The following SNCAIP variants were observed in gnomAD, a reference collection of about 807,000 sequenced individuals.
SNCAIP encodes the protein synphilin-1.
Under a neutral mutation model 86.7 loss-of-function variants are expected in SNCAIP, and 43 were observed. The ratio of observed to expected loss-of-function variants is 0.50; its 90% CI spans 0.39 to 0.64. The LOEUF is 0.64. SNCAIP is among the 30% of genes least tolerant of loss of function. The pLI is 0.00. For synonymous variants in SNCAIP, 417 were observed against 427.2 expected (o/e 0.98, Z 0.29); for missense variants, 981 against 1,103.1 (o/e 0.89, Z 1.57).
In SNCAIP at chr5:122,451,238, T is replaced by C. The variant is rs1283131127; in HGVS notation, c.2391T>C (p.Ser797=). 1.9e-6 allele frequency: 3 copies of C among 1,613,932 alleles called. No individual in the cohort carries two copies. In the Admixed American group the frequency reaches 5.0e-5, roughly 27 times the overall value. The change falls in exon 10 of 11, where the codon AGT becomes AGC. Residue 797 remains serine (S), a synonymous_variant. Transcript: ENST00000261368. ...AAQKVATSPK[S]ALKSPSSKRR... is the part of the protein sequence containing the mutation. ...AGAAAGTTGCCACAAGTCCCAAGAG[T>C]GCCCTCAAGTCTCCATCTTCCAAGC...
chr5:122,343,408 G>C (rs1216601709), intron 1 of SNCAIP, among the ~76,000 whole-genome samples: 1 of 146,990 alleles, frequency 6.8e-6, no homozygotes, highest in Non-Finnish European at 1.5e-5. Flanking sequence ...AGATTGTTCA[G>C]ATTAGCTCTT....
At chr5:122,336,783 T>G (rs1279317785) in intron 1 of SNCAIP, 1 of 152,424 alleles carries the variant, frequency 6.6e-6, no homozygotes, top group Non-Finnish European at 1.5e-5. Flanking sequence ...TTGTATTTTT[T>G]GCAGAGACAG....
At chr5:122,463,424 G>T in intron 10 of SNCAIP, 67 bp from the exon 11 acceptor site, 1 of 900,214 alleles carries the variant, frequency 1.1e-6, no homozygotes. Context: ...GAGCTGTTTA[G>T]TGGTATTGTC....
intron 1 of SNCAIP, among the ~76,000 whole-genome samples, chr5:122,365,428 C>T (rs1438063777): frequency 5.3e-5 from 8 of 152,198 alleles, no homozygotes; most frequent in Admixed American, 4.6e-4. Flanking sequence ...CCTGTAATCC[C>T]ACCACTGTGG....
intron 1 of SNCAIP, among the ~76,000 whole-genome samples, chr5:122,346,190 T>TA: frequency 6.6e-6 from 1 of 152,270 alleles, no homozygotes; most frequent in South Asian, 2.1e-4. Flanking sequence ...GCATGCCCTC[T>TA]AATGATTTTC....
At chr5:122,341,190 G>C (rs1443259635) in intron 1 of SNCAIP, among the ~76,000 whole-genome samples, 1 of 152,156 alleles carries the variant, frequency 6.6e-6, no homozygotes, top group Non-Finnish European at 1.5e-5. Flanking sequence ...AAAATTGACA[G>C]GGCACGTTTT....
At chr5:122,440,989 T>C in intron 7 of SNCAIP, 2 of 499,722 alleles carry the variant, frequency 4.0e-6, no homozygotes, top group Non-Finnish European at 7.3e-6. Context: ...GGACTTTTCC[T>C]GCTCCCTTAT....
intron 1 of SNCAIP, among the ~76,000 whole-genome samples, chr5:122,326,652 A>G (rs945549924): frequency 2.5e-4 from 28 of 109,834 alleles, no homozygotes; most frequent in African/African-American, 9.9e-4. Flanking sequence ...AATTAAGTAG[A>G]GTCAAGGGAG....
At chr5:122,368,658 G>T (rs775746045) in intron 1 of SNCAIP, among the ~76,000 whole-genome samples, 3 of 152,154 alleles carry the variant, frequency 2.0e-5, no homozygotes, top group Admixed American at 6.6e-5. Context: ...ATAAATCTTA[G>T]CTCCTTTCTC....
intron 1 of SNCAIP, among the ~76,000 whole-genome samples, chr5:122,385,057 A>G (rs1180322744): frequency 1.3e-5 from 2 of 151,982 alleles, no homozygotes; most frequent in African/African-American, 4.8e-5. Context: ...CTTCCCATTC[A>G]CACCTCCATC....
chr5:122,422,030 C>T (rs1414735206), intron 3 of SNCAIP, among the ~76,000 whole-genome samples: 1 of 14,140 alleles, frequency 7.1e-5, no homozygotes, highest in Non-Finnish European at 1.6e-4. Context: ...AAAAAAAAAC[C>T]ACTCTGCCTG....
intron 2 of SNCAIP, chr5:122,401,240 T>A: frequency 1.0e-6 from 1 of 1,000,738 alleles, no homozygotes; most frequent in Non-Finnish European, 1.4e-6. Flanking sequence ...TGCATACTTG[T>A]AAGGGAGACT....
intron 6 of SNCAIP, among the ~76,000 whole-genome samples, chr5:122,436,057 C>G (rs1319610383): frequency 6.6e-6 from 1 of 152,102 alleles, no homozygotes; most frequent in Non-Finnish European, 1.5e-5. Flanking sequence ...AGTCAGGGGT[C>G]ATGAGGGGAT....
chr5:122,409,065 T>G (rs1339545541), intron 3 of SNCAIP, among the ~76,000 whole-genome samples: 2 of 151,992 alleles, frequency 1.3e-5, no homozygotes, highest in East Asian at 3.9e-4. Context: ...GGACAAGGAT[T>G]AGCAGAAAGG....
intron 1 of SNCAIP, among the ~76,000 whole-genome samples, chr5:122,322,457 C>T (rs1753141539): frequency 6.6e-6 from 1 of 152,116 alleles, no homozygotes; most frequent in South Asian, 2.1e-4. Context: ...TCTCAGAAAA[C>T]AGCACGGTTA....
intron 1 of SNCAIP, among the ~76,000 whole-genome samples, chr5:122,348,137 G>T (rs1286209947): frequency 6.6e-6 from 1 of 152,104 alleles, no homozygotes; most frequent in Non-Finnish European, 1.5e-5. Context: ...AAGGACATAT[G>T]CCTTTCATTC....
chr5:122,396,549 T>G (rs6865766), intron 2 of SNCAIP, among the ~76,000 whole-genome samples: 3 of 152,354 alleles, frequency 2.0e-5, no homozygotes, highest in African/African-American at 7.2e-5. Context: ...GTTCACCTTT[T>G]CATCACAATT....
chr5:122,318,051 G>T (rs552280281), intron 1 of SNCAIP, among the ~76,000 whole-genome samples: 2 of 151,988 alleles, frequency 1.3e-5, no homozygotes, highest in African/African-American at 4.8e-5. Context: ...CCTTGTCATA[G>T]TCCTGGAGAA....
chr5:122,337,507 C>T (rs1330610960), intron 1 of SNCAIP, among the ~76,000 whole-genome samples: 3 of 151,108 alleles, frequency 2.0e-5, no homozygotes, highest in Admixed American at 2.0e-4. Context: ...CAATCTGTTT[C>T]CTCTGTTTTT....
Sources: allele counts gnomAD v4.1 joint callset (sites outside exome capture counted in the v4.1 genomes callset), GRCh38; gene constraint gnomAD v4.1.1; transcripts MANE v1.5; gene names NCBI Gene and HGNC (gene_info 2026-07-23, HGNC 2026-07-21).